KIRREL3: variants seen among roughly 807,000 people sequenced by gnomAD.
KIRREL3 encodes kin of IRRE-like protein 3.
Under a neutral mutation model 89.7 loss-of-function variants are expected in KIRREL3, and 36 were observed. The observed-to-expected ratio is 0.40, with a 90% CI of 0.31 to 0.53. The LOEUF is 0.53. KIRREL3 is among the 20% of genes least tolerant of loss of function. The probability of loss-of-function intolerance (pLI) is 0.49; values close to 1 mark genes in which losing one functional copy is unlikely to be tolerated. For missense variants in KIRREL3, 864 were observed against 1,056.6 expected (o/e 0.82, Z 2.53); for synonymous variants, 445 against 441.4 (o/e 1.01, Z -0.10).
chr11:126,597,025 G>A (rs189975072), intron 1 of KIRREL3, among the ~76,000 whole-genome samples: 1 of 152,206 alleles, frequency 6.6e-6, no homozygotes, highest in Admixed American at 6.5e-5. Flanking sequence ...AGGGACCTAG[G>A]AGAATTTTGG....
In KIRREL3 at chr11:126,948,372, G is replaced by A. The variant is rs369662081; in HGVS notation, c.55+52083C>T. ...CAACGGAGAACTCAGGGGAACCTAG[G>A]TCCTGTTCCAACCATGGGGTATTAG... is the stretch of plus-strand genomic sequence containing the variant. On this transcript the variant is annotated intron_variant, in intron 1 of 16. Transcript: ENST00000525144. The surrounding 1 kb of genome is among the most constrained non-coding windows in gnomAD (Gnocchi z 4.5). 2.8e-4 allele frequency among the ~76,000 whole-genome samples: 42 copies of A among 152,242 alleles called. No individual in the cohort carries two copies. The highest frequency in any genetic ancestry group is 9.9e-4 in the African/African-American group (41 of 41,554).
chr11:126,849,326 C>T (rs4937204), intron 1 of KIRREL3, among the ~76,000 whole-genome samples: 129,310 of 152,100 alleles, frequency 0.85, 55,177 homozygotes, highest in East Asian at 1. Flanking sequence ...TTGTTTAGCA[C>T]ATCATCAAGA....
intron 1 of KIRREL3, among the ~76,000 whole-genome samples, chr11:126,693,514 ACT>A (rs1036704737): frequency 6.6e-6 from 1 of 151,776 alleles, no homozygotes; most frequent in Non-Finnish European, 1.5e-5. Context: ...AGAGAAAGAG[ACT>A]CTGCCGGCAT....
At chr11:126,929,095 C>G (rs915336891) in intron 1 of KIRREL3, among the ~76,000 whole-genome samples, 3 of 152,138 alleles carry the variant, frequency 2.0e-5, no homozygotes, top group African/African-American at 7.2e-5. Flanking sequence ...GCTGGGTTTA[C>G]AGAGTGGAGA....
chr11:126,988,501 T>C (rs1949935318), intron 1 of KIRREL3: 1 of 152,718 alleles, frequency 6.5e-6, no homozygotes, highest in Non-Finnish European at 1.5e-5. Context: ...CCTGAAGAAT[T>C]TCAGAAAAAA....
At position 126,924,295 on chromosome 11, in the gene KIRREL3, GA is replaced by G. The variant is rs1488113200; in HGVS notation, c.55+76159del. 6.6e-6 allele frequency among the ~76,000 whole-genome samples: 1 copy of G among 152,068 alleles called. No individual in the cohort carries two copies. Among genetic ancestry groups the G allele is most frequent in the African/African-American group, 2.4e-5 (1 of 41,402 alleles). ...GCTCGCTCACTCTCCACACCACAGA[GA>G]GTAATCTTTCAAAGCACAAATGAGG... is the stretch of plus-strand genomic sequence containing the variant. On this transcript the variant is annotated intron_variant, in intron 1 of 16. Transcript: ENST00000525144. The surrounding 1 kb of genome is among the most constrained non-coding windows in gnomAD (Gnocchi z 4.7).
rs1215648145 is a variant in KIRREL3, at chr11:126,676,143, T to C, written c.56-113231A>G. ...TCAGGTGTTTCATTGTTTGGCCATG[T>C]AGGTCTAGAGCTCTGAAGAGAGACT... On this transcript the variant is annotated intron_variant, in intron 1 of 16. Transcript: ENST00000525144. This position sits in a 1 kb window ranked among gnomAD's most constrained non-coding sequence, Gnocchi z 4.5. Among the ~76,000 whole-genome samples the C allele has an allele frequency of 2.0e-5, 3 of 152,160 alleles. No homozygotes were observed. Among genetic ancestry groups the C allele is most frequent in the Non-Finnish European group, 4.4e-5 (3 of 68,028 alleles).
At chr11:126,806,619 G>A (rs10893576) in intron 1 of KIRREL3, among the ~76,000 whole-genome samples, 34,948 of 152,084 alleles carry the variant, frequency 0.23, 4,637 homozygotes, top group Non-Finnish European at 0.31. Context: ...ATCAGTTAGG[G>A]ATAATACGAG....
In KIRREL3 at chr11:126,561,009, C is replaced by G. The variant is rs1298299312; in HGVS notation, c.133+1826G>C. Among the ~76,000 whole-genome samples the G allele has an allele frequency of 6.6e-6, 1 of 152,188 alleles. No individual in the cohort carries two copies. Among genetic ancestry groups the G allele is most frequent in the African/African-American group, 2.4e-5 (1 of 41,444 alleles). On this transcript the variant is annotated intron_variant, in intron 2 of 16. Transcript: ENST00000525144. This position sits in a 1 kb window ranked among gnomAD's most constrained non-coding sequence, Gnocchi z 4.5. Reference sequence around the variant, plus strand: ...GTATGAGATAATTATAAATATAAAACAGCTCCGCATGCTTTCTGATGCCTT... The same window carrying G: ...GTATGAGATAATTATAAATATAAAAGAGCTCCGCATGCTTTCTGATGCCTT...
chr11:126,688,666 G>T (rs892892496), intron 1 of KIRREL3, among the ~76,000 whole-genome samples: 7 of 152,152 alleles, frequency 4.6e-5, no homozygotes, highest in Admixed American at 2.0e-4. Context: ...AGGAGGAATT[G>T]TTACTTGCTT....
In KIRREL3 at chr11:126,744,461, G is replaced by T. The variant is rs1302359264; in HGVS notation, c.56-181549C>A. Among the ~76,000 whole-genome samples, 1 of 152,212 alleles carries T rather than the reference G, an allele frequency of 6.6e-6. No individual in the cohort carries two copies. The highest frequency in any genetic ancestry group is 2.4e-5 in the African/African-American group (1 of 41,442). ...CTAGACGGGGACAAGGAAATGGAGA[G>T]GTGGCGCAGGTGCGAAATGTATCTT... On this transcript the variant is annotated intron_variant, in intron 1 of 16. Transcript: ENST00000525144. The surrounding 1 kb of genome is among the most constrained non-coding windows in gnomAD (Gnocchi z 4.7).
rs910430996 is a variant in KIRREL3 at position 126,578,267 on chromosome 11, C to T, written c.56-15355G>A. 6.6e-6 allele frequency among the ~76,000 whole-genome samples: 1 copy of T among 152,180 alleles called. No individual in the cohort carries two copies. The highest frequency in any genetic ancestry group is 2.4e-5 in the African/African-American group (1 of 41,454). Reference sequence around the variant, plus strand: ...CTTGCAGCCCAGGAAATGCTCCCTCCCTCTCCCCTCCAGCTTCTCTGCAAA... The same window carrying T: ...CTTGCAGCCCAGGAAATGCTCCCTCTCTCTCCCCTCCAGCTTCTCTGCAAA... On this transcript the variant is annotated intron_variant, in intron 1 of 16. Coordinates refer to ENST00000525144, the MANE Select transcript of KIRREL3 (RefSeq NM_032531.4). This position sits in a 1 kb window ranked among gnomAD's most constrained non-coding sequence, Gnocchi z 4.9.
At chr11:126,534,801 A>G (rs1249971108) in intron 2 of KIRREL3, among the ~76,000 whole-genome samples, 1 of 152,212 alleles carries the variant, frequency 6.6e-6, no homozygotes, top group East Asian at 1.9e-4. Context: ...CAGGAGTGGG[A>G]GCAGGAGGTC....
Position 126,999,935 on chromosome 11 carries a change from C to T in KIRREL3, c.55+520G>A, listed in dbSNP as rs1371532353. ...GCTTTTCCCAACCACTGCAAATTAC[C>T]CCCCACAATACATTCTGTAATTGCA... On this transcript the variant is annotated intron_variant, in intron 1 of 16. Transcript: ENST00000525144. This position sits in a 1 kb window ranked among gnomAD's most constrained non-coding sequence, Gnocchi z 5.7. 2.0e-5 allele frequency among the ~76,000 whole-genome samples: 3 copies of T among 152,068 alleles called. No individual in the cohort carries two copies. The highest frequency in any genetic ancestry group is 3.9e-4 in the East Asian group (2 of 5,158).
At position 126,491,431 on chromosome 11, in the gene KIRREL3, G is replaced by A. The variant is rs1957512025; in HGVS notation, c.434-17965C>T. On this transcript the variant is annotated intron_variant, in intron 4 of 16. Coordinates refer to ENST00000525144, the MANE Select transcript of KIRREL3 (RefSeq NM_032531.4). This position sits in a 1 kb window ranked among gnomAD's most constrained non-coding sequence, Gnocchi z 5.5. ...CAGGGCTGGCTGAGAACTAATTCAAGGCCATGTGACTCTGGCTAAAGCCTG... is the reference window on the plus strand; with the variant it reads ...CAGGGCTGGCTGAGAACTAATTCAAAGCCATGTGACTCTGGCTAAAGCCTG... Among the ~76,000 whole-genome samples, 1 of 152,194 alleles carries A rather than the reference G, an allele frequency of 6.6e-6. No homozygotes were observed. Among genetic ancestry groups the A allele is most frequent in the Non-Finnish European group, 1.5e-5 (1 of 68,044 alleles).
intron 1 of KIRREL3, among the ~76,000 whole-genome samples, chr11:126,932,630 T>C (rs1484619670): frequency 1.3e-5 from 2 of 152,204 alleles, no homozygotes; most frequent in Admixed American, 6.5e-5. Context: ...CAGCAGGCTC[T>C]TCAGGCCAGG....
rs1257962880 is a variant in KIRREL3, at chr11:126,843,936, C to T, written c.55+156519G>A. 5.3e-5 allele frequency among the ~76,000 whole-genome samples: 8 copies of T among 152,176 alleles called. No individual in the cohort carries two copies. The highest frequency in any genetic ancestry group is 5.2e-4 in the Admixed American group (8 of 15,290). The stretch of plus-strand genomic sequence containing the variant: ...ATAATCCCCTTGTTTAGCATATTGT[C>T]AAGAAATAATCATAAAAATGGGCAA... On this transcript the variant is annotated intron_variant, in intron 1 of 16. Transcript: ENST00000525144. This position sits in a 1 kb window ranked among gnomAD's most constrained non-coding sequence, Gnocchi z 4.6.
rs1950551557 is a variant in KIRREL3 at position 126,788,690 on chromosome 11, C to G, written c.55+211765G>C. Reference sequence around the variant, plus strand: ...ATCACCAGTCCTCCACATTATAGACCACAAAGGCCCTACAATTGCTATCAA... The same window carrying G: ...ATCACCAGTCCTCCACATTATAGACGACAAAGGCCCTACAATTGCTATCAA... On this transcript the variant is annotated intron_variant, in intron 1 of 16. Coordinates refer to ENST00000525144, the MANE Select transcript of KIRREL3 (RefSeq NM_032531.4). This position sits in a 1 kb window ranked among gnomAD's most constrained non-coding sequence, Gnocchi z 4.1. Among the ~76,000 whole-genome samples, 1 of 152,116 alleles carries G rather than the reference C, an allele frequency of 6.6e-6. No individual in the cohort carries two copies.
In KIRREL3 at chr11:126,696,342, T is replaced by G. The variant is rs1409708054; in HGVS notation, c.56-133430A>C. Reference sequence around the variant, plus strand: ...TTCTCCCTTTCTTTGACCCTTCTCCTCCTTGGTTGCCTTGTGTGGTTGATG... The same window carrying G: ...TTCTCCCTTTCTTTGACCCTTCTCCGCCTTGGTTGCCTTGTGTGGTTGATG... On this transcript the variant is annotated intron_variant, in intron 1 of 16. Coordinates refer to ENST00000525144, the MANE Select transcript of KIRREL3 (RefSeq NM_032531.4). The surrounding 1 kb of genome is among the most constrained non-coding windows in gnomAD (Gnocchi z 4.4). Among the ~76,000 whole-genome samples, 1 of 151,764 alleles carries G rather than the reference T, an allele frequency of 6.6e-6. No individual in the cohort carries two copies. Among genetic ancestry groups the G allele is most frequent in the Non-Finnish European group, 1.5e-5 (1 of 67,992 alleles).
Sources: gnomAD v4.1 joint callset for allele counts (sites outside exome capture counted in the v4.1 genomes callset) on GRCh38, gnomAD v4.1.1 for gene constraint, Gnocchi (gnomAD v3.1) non-coding constraint, MANE v1.5 for transcripts, NCBI Gene and HGNC (gene_info 2026-07-23, HGNC 2026-07-21) for gene names.